Variants in TASP1 observed in about 807,000 individuals in gnomAD.
The protein encoded by TASP1 is threonine aspartase 1.
A neutral mutation model predicts 56.6 loss-of-function variants in TASP1; 16 were observed. The observed-to-expected ratio is 0.28, with a 90% CI of 0.19 to 0.43. TASP1 has a LOEUF of 0.43. TASP1 is among the 20% of genes least tolerant of loss of function. The pLI is 1.00. For missense variants in TASP1, 393 were observed against 511.6 expected (o/e 0.77, Z 2.24); for synonymous variants, 179 against 184.2 (o/e 0.97, Z 0.23).
chr20:13,172,977 G>A, the TASP1 span, among the ~76,000 whole-genome samples: 1 of 152,162 alleles, frequency 6.6e-6, no homozygotes, highest in Non-Finnish European at 1.5e-5. Flanking sequence ...TCCTCCACAT[G>A]GTGTTTCAGG....
At chr20:13,289,330 A>G in the TASP1 span, among the ~76,000 whole-genome samples, 1 of 152,216 alleles carries the variant, frequency 6.6e-6, no homozygotes, top group Non-Finnish European at 1.5e-5. Flanking sequence ...GAGGCTTGAC[A>G]ACCATCTGCA....
intron 10 of TASP1, among the ~76,000 whole-genome samples, chr20:13,502,335 A>G (rs2043976641): frequency 6.6e-6 from 1 of 152,142 alleles, no homozygotes; most frequent in African/African-American, 2.4e-5. Flanking sequence ...AGGAGAATGT[A>G]TAAAACTCTG....
chr20:13,549,275 C>T (rs6042212), intron 8 of TASP1, among the ~76,000 whole-genome samples: 36,207 of 151,764 alleles, frequency 0.24, 4,392 homozygotes, highest in Middle Eastern at 0.3. Context: ...TCCTGGGACC[C>T]GACTATGTAT....
At chr20:13,465,536 A>G (rs887291576) in intron 11 of TASP1, among the ~76,000 whole-genome samples, 4 of 152,060 alleles carry the variant, frequency 2.6e-5, no homozygotes, top group Non-Finnish European at 4.4e-5. Context: ...TTTATTTATA[A>G]TACTGAAAAT....
chr20:13,338,224 CT>C, the TASP1 span, among the ~76,000 whole-genome samples: 1 of 152,080 alleles, frequency 6.6e-6, no homozygotes. Flanking sequence ...GGTTTCTCCC[CT>C]TTTTAGACCA....
At chr20:13,337,250 G>A in the TASP1 span, among the ~76,000 whole-genome samples, 1 of 152,174 alleles carries the variant, frequency 6.6e-6, no homozygotes, top group African/African-American at 2.4e-5. Context: ...CAACAAGGTG[G>A]GGAGACCCAG....
At chr20:13,393,817 G>A (rs2041388987) in intron 13 of TASP1, 2 of 558,916 alleles carry the variant, frequency 3.6e-6, no homozygotes. Flanking sequence ...CCTGAAGAGG[G>A]AGGGGCCTAG....
the TASP1 span, among the ~76,000 whole-genome samples, chr20:13,294,490 G>C: frequency 6.6e-6 from 1 of 152,302 alleles, no homozygotes; most frequent in Non-Finnish European, 1.5e-5. Flanking sequence ...CCCACAGGCA[G>C]GCAGCATCTA....
At chr20:13,397,288 T>A (rs2041578596) in intron 13 of TASP1, among the ~76,000 whole-genome samples, 2 of 152,222 alleles carry the variant, frequency 1.3e-5, no homozygotes, top group Admixed American at 1.3e-4. Flanking sequence ...AGAAACTAGT[T>A]CTTTGTGAAA....
chr20:13,229,634 C>G, the TASP1 span, among the ~76,000 whole-genome samples: 1 of 152,174 alleles, frequency 6.6e-6, no homozygotes, highest in African/African-American at 2.4e-5. Context: ...TATTCTTACA[C>G]AAGCCTTTCT....
chr20:13,621,631 C>T (rs189079087), intron 4 of TASP1, among the ~76,000 whole-genome samples: 65 of 152,196 alleles, frequency 4.3e-4, no homozygotes, highest in Admixed American at 1.3e-3. Flanking sequence ...AGTCCACCTA[C>T]TCAGGAGAAA....
the TASP1 span, chr20:13,288,757 A>G: frequency 3.7e-5 from 52 of 1,416,032 alleles, no homozygotes; most frequent in Non-Finnish European, 4.8e-5. Flanking sequence ...ACTTAGTGAC[A>G]TTGTCTTTTT....
chr20:13,577,833 T>C (rs2046979017), intron 6 of TASP1, among the ~76,000 whole-genome samples: 1 of 152,234 alleles, frequency 6.6e-6, no homozygotes, highest in South Asian at 2.1e-4. Context: ...CTAAGCCATG[T>C]TACTATACAC....
rs1228169679 is a variant in TASP1, at chr20:13,393,131, C to A, written c.1171-2679G>T. ...AGATCGTCAGCAATGCCTCCTGTAC[C>A]ACCAACTGCTTAGCACCCCTGGCCA... On this transcript the variant is annotated intron_variant, in intron 13 of 13. Coordinates refer to ENST00000337743, the MANE Select transcript of TASP1 (RefSeq NM_017714.3). 6 of 649,740 alleles carry A rather than the reference C, an allele frequency of 9.2e-6. No homozygotes were observed. The Admixed American group carries it at 1.1e-4, about 12-fold the overall frequency. 40.2% of individuals were successfully genotyped at this position (649,740 alleles called of 1,614,324 possible). A position where few individuals can be genotyped will look rare whatever the true frequency, so the allele number is the denominator to read the frequency against.
chr20:13,431,087 T>C (rs890234717), intron 12 of TASP1, among the ~76,000 whole-genome samples: 1 of 151,712 alleles, frequency 6.6e-6, no homozygotes, highest in African/African-American at 2.4e-5. Flanking sequence ...ATATTATTCT[T>C]GGGACCAAAA....
the TASP1 span, among the ~76,000 whole-genome samples, chr20:13,360,534 C>G: frequency 0.22 from 32,363 of 149,408 alleles, 3,699 homozygotes; most frequent in African/African-American, 0.4. Flanking sequence ...GGACCACACC[C>G]TGTAGCCTTT....
At chr20:13,159,903 A>C in the TASP1 span, 1 of 1,431,806 alleles carries the variant, frequency 7.0e-7, no homozygotes, top group Non-Finnish European at 9.3e-7. Context: ...GAAAAAAGAA[A>C]AAAGAAAAAA....
At chr20:13,222,123 C>G in the TASP1 span, among the ~76,000 whole-genome samples, 7 of 152,272 alleles carry the variant, frequency 4.6e-5, no homozygotes, top group African/African-American at 1.4e-4. Flanking sequence ...GCTTCCAGGT[C>G]TGCGGGCTGC....
At chr20:13,560,654 G>A (rs1172674664) in intron 7 of TASP1, among the ~76,000 whole-genome samples, 2 of 152,068 alleles carry the variant, frequency 1.3e-5, no homozygotes, top group Non-Finnish European at 2.9e-5. Context: ...GAAAAAGAAA[G>A]AACAAAGTAT....
Sources: gnomAD v4.1 joint callset for allele counts (sites outside exome capture counted in the v4.1 genomes callset) on GRCh38, gnomAD v4.1.1 for gene constraint, MANE v1.5 for transcripts, NCBI Gene and HGNC (gene_info 2026-07-23, HGNC 2026-07-21) for gene names.